Variants in AKR1C8 observed in about 807,000 individuals in gnomAD.
AKR1C8 encodes the protein aldo-keto reductase family 1 member C-like protein 1.
chr10:5,169,589 G>T, the AKR1C8 span, among the ~76,000 whole-genome samples: 8 of 145,986 alleles, frequency 5.5e-5, no homozygotes, highest in East Asian at 2.0e-4. Context: ...AAAGATCCAT[G>T]TTTTTTTTTT....
chr10:5,180,855 G>A, the AKR1C8 span, among the ~76,000 whole-genome samples: 3 of 152,206 alleles, frequency 2.0e-5, no homozygotes, highest in Admixed American at 2.0e-4. Context: ...CGGTATTAGG[G>A]TAGGAGTGAC....
At chr10:5,157,875 A>G in the AKR1C8 span, 115,525 of 392,556 alleles carry the variant, frequency 0.29, 19,304 homozygotes, top group Non-Finnish European at 0.37. Flanking sequence ...CCTTTTCCCC[A>G]AATTCTCCAG....
the AKR1C8 span, among the ~76,000 whole-genome samples, chr10:5,173,655 A>G: frequency 2.6e-5 from 4 of 152,060 alleles, no homozygotes; most frequent in Admixed American, 6.6e-5. Context: ...GATTAAAAAA[A>G]AAAAATCTAC....
the AKR1C8 span, among the ~76,000 whole-genome samples, chr10:5,116,609 C>A: frequency 2.0e-5 from 3 of 152,224 alleles, no homozygotes; most frequent in African/African-American, 4.8e-5. Flanking sequence ...TCCCTGACCA[C>A]CCAGCCAAAA....
the AKR1C8 span, among the ~76,000 whole-genome samples, chr10:5,135,454 A>G: frequency 6.3e-4 from 96 of 152,274 alleles, no homozygotes; most frequent in Non-Finnish European, 1.2e-3. Context: ...GTACATTTTA[A>G]TATAGTCAGA....
At chr10:5,118,959 A>C in the AKR1C8 span, among the ~76,000 whole-genome samples, 1 of 151,784 alleles carries the variant, frequency 6.6e-6, no homozygotes, top group Non-Finnish European at 1.5e-5. Context: ...AACAGGTGGA[A>C]TGCAGGGAAG....
chr10:5,118,716 G>C, the AKR1C8 span, among the ~76,000 whole-genome samples: 2 of 152,090 alleles, frequency 1.3e-5, no homozygotes, highest in Non-Finnish European at 2.9e-5. Flanking sequence ...GGCATTAATA[G>C]AGTTGTATGT....
chr10:5,164,005 G>T, the AKR1C8 span, among the ~76,000 whole-genome samples: 1 of 152,110 alleles, frequency 6.6e-6, no homozygotes, highest in African/African-American at 2.4e-5. Flanking sequence ...GTACACTGTG[G>T]GCTACAGTGG....
chr10:5,156,430 G>A, the AKR1C8 span, among the ~76,000 whole-genome samples: 2 of 151,140 alleles, frequency 1.3e-5, no homozygotes, highest in African/African-American at 2.4e-5. Context: ...AGTCCCTGAT[G>A]AGGAGCCCAT....
the AKR1C8 span, chr10:5,185,090 C>T: frequency 1.9e-6 from 1 of 534,762 alleles, no homozygotes. Flanking sequence ...GGCTTTGCTT[C>T]AGATCCGTCA....
the AKR1C8 span, among the ~76,000 whole-genome samples, chr10:5,128,353 C>A: frequency 2.6e-5 from 4 of 152,082 alleles, no homozygotes; most frequent in South Asian, 6.2e-4. Context: ...CTCACAAATC[C>A]TATAAAACAA....
the AKR1C8 span, among the ~76,000 whole-genome samples, chr10:5,184,787 C>G: frequency 1.3e-5 from 2 of 152,164 alleles, no homozygotes; most frequent in South Asian, 4.1e-4. Flanking sequence ...AATATACCCA[C>G]AAAATTATCA....
chr10:5,146,762 C>T, the AKR1C8 span, among the ~76,000 whole-genome samples: 10 of 152,128 alleles, frequency 6.6e-5, no homozygotes, highest in Admixed American at 5.2e-4. Context: ...CTTATCTTTG[C>T]TTTTATTGCA....
the AKR1C8 span, among the ~76,000 whole-genome samples, chr10:5,150,069 ATGT>A: frequency 2.6e-5 from 4 of 152,220 alleles, no homozygotes; most frequent in African/African-American, 7.2e-5. Flanking sequence ...CAATGAACTC[ATGT>A]TGTTTGATAT....
At chr10:5,124,574 T>C in the AKR1C8 span, among the ~76,000 whole-genome samples, 1 of 151,978 alleles carries the variant, frequency 6.6e-6, no homozygotes, top group Non-Finnish European at 1.5e-5. Context: ...AATACAATAA[T>C]AAAATAATAA....
the AKR1C8 span, among the ~76,000 whole-genome samples, chr10:5,167,415 A>G: frequency 6.6e-6 from 1 of 152,262 alleles, no homozygotes; most frequent in African/African-American, 2.4e-5. Context: ...CTGGATTAAG[A>G]AAATGCGGCA....
chr10:5,142,890 G>C, the AKR1C8 span, among the ~76,000 whole-genome samples: 1 of 152,098 alleles, frequency 6.6e-6, no homozygotes, highest in Non-Finnish European at 1.5e-5. Flanking sequence ...TTCAATGCAG[G>C]GTTGCTACAA....
the AKR1C8 span, among the ~76,000 whole-genome samples, chr10:5,158,892 C>G: frequency 6.6e-6 from 1 of 152,174 alleles, no homozygotes; most frequent in African/African-American, 2.4e-5. Context: ...CACACTGATA[C>G]AGTAATTTTC....
chr10:5,178,443 A>G, the AKR1C8 span, among the ~76,000 whole-genome samples: 1 of 152,238 alleles, frequency 6.6e-6, no homozygotes, highest in Admixed American at 6.5e-5. Context: ...GTGCTGAAAA[A>G]AATGTATATT....
Sources: allele counts gnomAD v4.1 joint callset (sites outside exome capture counted in the v4.1 genomes callset), GRCh38; gene constraint gnomAD v4.1.1; transcripts MANE v1.5; gene names NCBI Gene and HGNC (gene_info 2026-07-23, HGNC 2026-07-21).